The following P3H3 variants were observed in gnomAD, a reference collection of about 807,000 sequenced individuals.
The protein encoded by P3H3 is gene rich cluster, B.
A neutral mutation model predicts 78.1 loss-of-function variants in P3H3; 64 were observed. The observed-to-expected ratio is 0.82, with a 90% CI of 0.67 to 1.01. P3H3 has a LOEUF of 1.01. Among genes scored for constraint, P3H3 ranks in the 50% least tolerant of loss-of-function variants. P3H3 has a pLI of 0.00. For synonymous variants in P3H3, 425 were observed against 416.7 expected, an observed-to-expected ratio of 1.02 and a Z score of -0.24; for missense variants, 975 against 982.2, an observed-to-expected ratio of 0.99 and a Z score of 0.10.
At position 6,835,966 on chromosome 12, in the gene P3H3, C is replaced by T. The variant is rs1374470279; in HGVS notation, c.1459-1019C>T. 2.0e-5 allele frequency among the ~76,000 whole-genome samples: 3 copies of T among 152,174 alleles called. No individual in the cohort carries two copies. In the East Asian group the frequency reaches 5.8e-4, roughly 29 times the overall value. On this transcript the variant is annotated intron_variant, in intron 9 of 14. Coordinates refer to ENST00000290510, the MANE Select transcript of P3H3 (RefSeq NM_014262.5). ...CGTTGGCTGGCGAGGTGGCTCACAC[C>T]TGTAATCCCAGCACTTTGGGAGGCT...
rs1943442855 is a variant in P3H3, at chr12:6,830,785, G to C, written c.985+15G>C. On this transcript the variant is annotated intron_variant, in intron 4 of 14. Transcript: ENST00000290510. ...CCATGCTCAGGGTCAGTTGGGGAAG[G>C]GTGGAAACGGGGAGTGAAGATTTGC... 6.2e-7 allele frequency: 1 copy of C among 1,613,406 alleles called. No individual in the cohort carries two copies. The highest frequency in any genetic ancestry group is 8.5e-7 in the Non-Finnish European group (1 of 1,179,358).
At position 6,839,278 on chromosome 12, in the gene P3H3, C is replaced by G. The variant is rs1555122718; in HGVS notation, c.2047-19C>G. 2 of 1,554,240 alleles carry G rather than the reference C, an allele frequency of 1.3e-6. No individual in the cohort carries two copies. Among genetic ancestry groups the G allele is most frequent in the Non-Finnish European group, 1.7e-6 (2 of 1,148,674 alleles). ...AGGTGGGTGCAGGGAATGGGCCACA[C>G]TCTCCTCCCCAACCCCAGGAGTGGA... is the stretch of plus-strand genomic sequence containing the variant. On this transcript the variant is annotated intron_variant, in intron 14 of 14. Transcript: ENST00000290510.
rs1565513156 is a variant in P3H3 at position 6,834,554 on chromosome 12, T to C, written c.1458+505T>C. Among the ~76,000 whole-genome samples the C allele has an allele frequency of 2.0e-5, 3 of 152,328 alleles. No individual in the cohort carries two copies. In the East Asian group the frequency reaches 5.8e-4, roughly 29 times the overall value. ...GGTTCTAGGGAGAGGAAGATGATTA[T>C]AGACTCTGCCCTTTGGGAGCTCAAG... On this transcript the variant is annotated intron_variant, in intron 9 of 14. Transcript: ENST00000290510.
chr12:6,833,527 C>T, intron 6 of P3H3, 65 bp from the exon 7 acceptor site: 1 of 1,467,562 alleles, frequency 6.8e-7, no homozygotes, highest in Non-Finnish European at 9.6e-7. Context: ...GATATTTCAG[C>T]TCTAATGTCA....
At position 6,836,235 on chromosome 12, in the gene P3H3, G is replaced by GAAA. The variant is rs10654551; in HGVS notation, c.1459-738_1459-736dup. 5.2e-3 allele frequency among the ~76,000 whole-genome samples: 737 copies of GAAA among 142,324 alleles called. 1 individual carries two copies. The highest frequency in any genetic ancestry group is 7.6e-3 in the South Asian group (34 of 4,474). The allele number at this position is 142,324 out of a possible 152,430, so 93.4% of individuals were successfully genotyped here. On this transcript the variant is annotated intron_variant, in intron 9 of 14. Transcript: ENST00000290510. ...AGACCCCGTCTCAAAAACAAAAAATGAAAAAAAAAAAAAACCCCAGGTTAG... is the reference window on the plus strand; with the variant it reads ...AGACCCCGTCTCAAAAACAAAAAATGAAAAAAAAAAAAAAAAACCCCAGGTTAG...
Position 6,832,043 on chromosome 12 carries a change from A to C in P3H3, c.1212+129A>C, listed in dbSNP as rs782380881. ...GAAGAGTCTGCCATCCCAGTTTTAC[A>C]GGGACGGAGACAGTGTGCCTGTAGT... On this transcript the variant is annotated intron_variant, in intron 6 of 14. Transcript: ENST00000290510. The C allele has an allele frequency of 6.2e-6, 4 of 642,982 alleles. No individual in the cohort carries two copies. The East Asian group carries it at 1.1e-4, about 18-fold the overall frequency. The allele number at this position is 642,982 out of a possible 1,614,324, so 39.8% of individuals were successfully genotyped here.
At position 6,831,778 on chromosome 12, in the gene P3H3, C is replaced by T; in HGVS notation, c.1123-47C>T. ...GGCAGTGCCCTAGAGCCGGCGCTTCCCTGCCTTCCTCCAGCTACCCCTCAC... is the reference window on the plus strand; with the variant it reads ...GGCAGTGCCCTAGAGCCGGCGCTTCTCTGCCTTCCTCCAGCTACCCCTCAC... On this transcript the variant is annotated intron_variant, in intron 5 of 14. Coordinates refer to ENST00000290510, the MANE Select transcript of P3H3 (RefSeq NM_014262.5). The surrounding 1 kb of genome is among the most constrained non-coding windows in gnomAD (Gnocchi z 4.6). The T allele has an allele frequency of 8.0e-7, 1 of 1,257,090 alleles. No individual in the cohort carries two copies. Among genetic ancestry groups the T allele is most frequent in the Non-Finnish European group, 1.1e-6 (1 of 870,068 alleles). The allele number at this position is 1,257,090 out of a possible 1,614,324, so 77.9% of individuals were successfully genotyped here.
intron 4 of P3H3, 131 bp downstream of exon 4, chr12:6,830,901 C>T (rs1472462679): frequency 2.2e-6 from 3 of 1,351,662 alleles, no homozygotes; most frequent in Non-Finnish European, 3.2e-6. Flanking sequence ...GGAACCATCA[C>T]TTCACAAGGA....
In P3H3 at chr12:6,831,501, T is replaced by G. The variant is rs1368789282; in HGVS notation, c.1122+149T>G. 6.1e-6 allele frequency: 7 copies of G among 1,146,000 alleles called. No individual in the cohort carries two copies. The highest frequency in any genetic ancestry group is 2.4e-5 in the Admixed American group (1 of 41,922). The allele number at this position is 1,146,000 out of a possible 1,614,324, so 71.0% of individuals were successfully genotyped here. On this transcript the variant is annotated intron_variant, in intron 5 of 14. Coordinates refer to ENST00000290510, the MANE Select transcript of P3H3 (RefSeq NM_014262.5). This position sits in a 1 kb window ranked among gnomAD's most constrained non-coding sequence, Gnocchi z 4.6. ...CCAAGTCCAGCATCTGACTTCCGTCTCCACTCCCTGCTCCCCACGGCAGCC... is the reference window on the plus strand; with the variant it reads ...CCAAGTCCAGCATCTGACTTCCGTCGCCACTCCCTGCTCCCCACGGCAGCC...
At chr12:6,832,021 G>C (rs1438214262) in intron 6 of P3H3, 107 bp downstream of exon 6, 2 of 695,686 alleles carry the variant, frequency 2.9e-6, no homozygotes, top group Middle Eastern at 2.4e-4. Context: ...GCTTGGAGAA[G>C]AGTCTGCCAT....
At position 6,831,141 on chromosome 12, in the gene P3H3, A is replaced by G; in HGVS notation, c.986-75A>G. On this transcript the variant is annotated intron_variant, in intron 4 of 14. Transcript: ENST00000290510. This position sits in a 1 kb window ranked among gnomAD's most constrained non-coding sequence, Gnocchi z 4.6. The stretch of plus-strand genomic sequence containing the variant: ...GCCTCTGGAGACCACCTTCTCCAGC[A>G]CTGCCTCTGCCCCAAGGATCAATGT... The G allele has an allele frequency of 2.5e-6, 4 of 1,590,140 alleles. No individual in the cohort carries two copies. Among genetic ancestry groups the G allele is most frequent in the Admixed American group, 3.3e-5 (2 of 59,950 alleles).
rs1555120745 is a variant in P3H3, at chr12:6,828,415, C to T, written c.-26C>T. 1 of 534,636 alleles carries T rather than the reference C, an allele frequency of 1.9e-6. No individual in the cohort carries two copies. The highest frequency in any genetic ancestry group is 2.6e-5 in the South Asian group (1 of 38,180). The allele number at this position is 534,636 out of a possible 1,614,324, so 33.1% of individuals were successfully genotyped here. A position where few individuals can be genotyped will look rare whatever the true frequency, so the allele number is the denominator to read the frequency against. On this transcript the variant is annotated 5_prime_UTR_variant, in exon 1 of 15. Coordinates refer to ENST00000290510, the MANE Select transcript of P3H3 (RefSeq NM_014262.5). ...CCTCCCTCTCGGCTCCCGCATTTCC[C>T]CTCGGCTGCCGGCGGCTCCGACATC...
Position 6,837,585 on chromosome 12 carries a change from A to T in P3H3, c.1711+12A>T. ...CAGCGCCATAGAAGGTACGACAGGG[A>T]CCCCCCACTGCTCTTCTCCAACCTC... On this transcript the variant is annotated intron_variant, in intron 11 of 14. Coordinates refer to ENST00000290510, the MANE Select transcript of P3H3 (RefSeq NM_014262.5). The T allele has an allele frequency of 6.2e-7, 1 of 1,610,126 alleles. No individual in the cohort carries two copies. The highest frequency in any genetic ancestry group is 8.5e-7 in the Non-Finnish European group (1 of 1,178,512).
rs1591579754 is a variant in P3H3, at chr12:6,831,942, A to C, written c.1212+28A>C. The C allele has an allele frequency of 3.1e-6, 4 of 1,279,560 alleles. No individual in the cohort carries two copies. Among genetic ancestry groups the C allele is most frequent in the Non-Finnish European group, 4.5e-6 (4 of 889,630 alleles). 79.3% of individuals were successfully genotyped at this position (1,279,560 alleles called of 1,614,324 possible). On this transcript the variant is annotated intron_variant, in intron 6 of 14. Coordinates refer to ENST00000290510, the MANE Select transcript of P3H3 (RefSeq NM_014262.5). The surrounding 1 kb of genome is among the most constrained non-coding windows in gnomAD (Gnocchi z 4.6). The stretch of plus-strand genomic sequence containing the variant: ...GAGTCACTCCACTTCTGCCCATCTC[A>C]CCCCTCCGCACTCCCAGGAGGGATG...
chr12:6,837,992 G>A lies in P3H3; in HGVS notation c.1864G>A (p.Gly622Arg), dbSNP rs1162932128. The change falls in exon 13 of 15, where the codon GGG (glycine) becomes AGG (arginine). Residue 622 changes from glycine to arginine, a missense_variant. Coordinates refer to ENST00000290510, the MANE Select transcript of P3H3 (RefSeq NM_014262.5). Reference protein sequence around the residue: ...LLYLNDDFQGGDLFFTEPNAL... With the variant: ...LLYLNDDFQGRDLFFTEPNAL... ...CTACCTCAACGATGACTTCCAGGGT[G>A]GGGACCTGTTCTTCACGGAGCCCAA... 5 of 1,608,800 alleles carry A rather than the reference G, an allele frequency of 3.1e-6. No individual in the cohort carries two copies. The African/African-American group carries it at 6.7e-5, about 21-fold the overall frequency.
At position 6,830,712 on chromosome 12, in the gene P3H3, C is replaced by T. The variant is rs782408611; in HGVS notation, c.927C>T (p.Phe309=). 22 of 1,613,812 alleles carry T rather than the reference C, an allele frequency of 1.4e-5. No homozygotes were observed. The South Asian group carries it at 2.4e-4, about 18-fold the overall frequency. The part of the protein sequence containing the change: ...GETATRPGRS[F]PVPDFLPNQL... ...CAGCCACACGCCCTGGTCGCAGCTT[C>T]CCTGTCCCAGACTTCCTTCCCAACC... The change falls in exon 4 of 15, where the codon TTC becomes TTT. Residue 309 remains phenylalanine, a synonymous_variant. Transcript: ENST00000290510.
rs1943542368 is a variant in P3H3, at chr12:6,839,727, C to T, written c.*266C>T. On this transcript the variant is annotated 3_prime_UTR_variant, in exon 15 of 15. Coordinates refer to ENST00000290510, the MANE Select transcript of P3H3 (RefSeq NM_014262.5). ...TGGACAGATGGGGAACACTGTGCCT[C>T]CCTGAACAGAAATGGCAGGGGAGGA... 4.2e-6 allele frequency: 2 copies of T among 478,004 alleles called. No individual in the cohort carries two copies. Among genetic ancestry groups the T allele is most frequent in the Non-Finnish European group, 7.5e-6 (2 of 265,956 alleles). The allele number at this position is 478,004 out of a possible 1,614,324, so 29.6% of individuals were successfully genotyped here. A position where few individuals can be genotyped will look rare whatever the true frequency, so the allele number is the denominator to read the frequency against.
At position 6,837,772 on chromosome 12, in the gene P3H3, C is replaced by T. The variant is rs370235896; in HGVS notation, c.1752C>T (p.His584=). 6.8e-5 allele frequency: 109 copies of T among 1,613,266 alleles called. No homozygotes were observed. The highest frequency in any genetic ancestry group is 1.1e-4 in the South Asian group (10 of 90,872). Residue 584 remains histidine (H), a synonymous_variant, in exon 12 of 15, where the codon CAC becomes CAT. Transcript: ENST00000290510. The part of the protein sequence containing the change: ...EQRMDLSHPV[H]ADNCVLDPDT... ...GCATGGACCTGAGTCACCCAGTGCA[C>T]GCAGACAACTGCGTCCTGGACCCTG...
At chr12:6,833,840 C>T (rs782113700) in intron 8 of P3H3, 31 bp downstream of exon 8, 34 of 1,612,168 alleles carry the variant, frequency 2.1e-5, no homozygotes, top group Non-Finnish European at 2.9e-5. Context: ...AGGCAGGAGC[C>T]TGGAGGGTCT....
Sources: allele counts gnomAD v4.1 joint callset (sites outside exome capture counted in the v4.1 genomes callset), GRCh38; gene constraint gnomAD v4.1.1; non-coding constraint Gnocchi (gnomAD v3.1); transcripts MANE v1.5; gene names NCBI Gene and HGNC (gene_info 2026-07-23, HGNC 2026-07-21).